WASHC2C: variants seen among roughly 807,000 people sequenced by gnomAD.
WASHC2C encodes the protein Vaccinia Penetration Factor.
In WASHC2C, 73 loss-of-function variants were observed where a neutral mutation model predicts 142.2. The ratio of observed to expected loss-of-function variants is 0.51; its 90% CI spans 0.43 to 0.62. The LOEUF (loss-of-function observed/expected upper bound fraction) is 0.62, where lower values mean the gene tolerates loss of function less well. WASHC2C is among the 20% of genes least tolerant of loss of function. WASHC2C has a pLI of 0.00. For synonymous variants in WASHC2C, 337 were observed against 565.5 expected (o/e 0.60, Z 5.73); for missense variants, 969 against 1,531.7 (o/e 0.63, Z 6.13).
At position 45,754,550 on chromosome 10, in the gene WASHC2C, C is replaced by A. The variant is rs373727073; in HGVS notation, c.1240+5C>A. On this transcript the variant is annotated splice_donor_5th_base_variant and intron_variant, in intron 14 of 30. Transcript: ENST00000623400. ...GAGCTGTTTCTGTATTTTTAGGTAA[C>A]ATAACTTAGGTTTGTTTTCTAAAAA... The A allele has an allele frequency of 4.2e-4, 666 of 1,588,836 alleles. 17 individuals carry two copies. In the East Asian group the frequency reaches 0.01, roughly 24 times the overall value.
intron 26 of WASHC2C, 125 bp from the exon 27 acceptor site, chr10:45,786,487 C>T (rs1421525447): frequency 6.1e-6 from 6 of 976,602 alleles, no homozygotes; most frequent in Non-Finnish European, 9.9e-6. Context: ...GATTTGAATG[C>T]CTTTCCCATT....
intron 18 of WASHC2C, among the ~76,000 whole-genome samples, chr10:45,765,284 C>T (rs880000441): frequency 2.5e-4 from 38 of 150,850 alleles, no homozygotes; most frequent in South Asian, 1.0e-3. Context: ...GTTTCTCATT[C>T]GTGGAGACAA....
chr10:45,731,169 A>G (rs1554862110), intron 3 of WASHC2C, among the ~76,000 whole-genome samples: 1 of 145,182 alleles, frequency 6.9e-6, no homozygotes, highest in Admixed American at 6.9e-5. Context: ...ATTTCTGTCC[A>G]ATACTGGGGA....
At chr10:45,746,805 C>G (rs2052894596) in intron 8 of WASHC2C, among the ~76,000 whole-genome samples, 158 bp downstream of exon 8, 1 of 152,128 alleles carries the variant, frequency 6.6e-6, no homozygotes, top group Non-Finnish European at 1.5e-5. Flanking sequence ...GGCTAACTAC[C>G]TCCTTTGTAT....
At chr10:45,730,777 G>A (rs1201844343) in intron 3 of WASHC2C, among the ~76,000 whole-genome samples, 5 of 151,786 alleles carry the variant, frequency 3.3e-5, no homozygotes, top group African/African-American at 9.7e-5. Context: ...GTGCCACCAC[G>A]CCTGGCTAAT....
intron 20 of WASHC2C, among the ~76,000 whole-genome samples, chr10:45,772,842 A>G (rs2610487): frequency 1.3e-5 from 2 of 152,134 alleles, no homozygotes; most frequent in African/African-American, 4.8e-5. Context: ...TCCCAGTGCT[A>G]ATCCTGGCCC....
chr10:45,727,476 G>A lies in WASHC2C; in HGVS notation c.63G>A (p.Arg21=). The change falls in exon 2 of 31, where the codon CGG becomes CGA. Residue 21 remains arginine (R), a synonymous_variant. Transcript: ENST00000623400. ...CGGCGTCGGAGCCCGTGTGGGAGCG[G>A]CCGTGGTCGGTGGAGGAGATCCGCA... ...LVPASEPVWE[R]PWSVEEIRRS... 3 of 1,609,000 alleles carry A rather than the reference G, an allele frequency of 1.9e-6. No individual in the cohort carries two copies. Among genetic ancestry groups the A allele is most frequent in the Non-Finnish European group, 8.5e-7 (1 of 1,178,776 alleles).
Position 45,765,808 on chromosome 10 carries a change from G to A in WASHC2C, c.1867G>A (p.Glu623Lys). ...TGCCCTGTTGTTCAGCAGTGATGAGGAGGTGAGCTGAGGTTTCTGCTAAAA... is the reference window on the plus strand; with the variant it reads ...TGCCCTGTTGTTCAGCAGTGATGAGAAGGTGAGCTGAGGTTTCTGCTAAAA... ...ASALLFSSDE[E>K]DQWNIPASQT... Residue 623 changes from glutamate (E) to lysine (K), a missense_variant and splice_region_variant, in exon 19 of 31, where the codon GAG (glutamate) becomes AAG (lysine). Coordinates refer to ENST00000623400, the MANE Select transcript of WASHC2C (RefSeq NM_001330074.2). 1 of 1,611,900 alleles carries A rather than the reference G, an allele frequency of 6.2e-7. No individual in the cohort carries two copies.
chr10:45,769,335 G>T, intron 19 of WASHC2C, 114 bp from the exon 20 acceptor site: 1 of 1,444,034 alleles, frequency 6.9e-7, no homozygotes, highest in Non-Finnish European at 9.4e-7. Flanking sequence ...AGCAAGGATG[G>T]TCTTGATCTG....
At position 45,777,433 on chromosome 10, in the gene WASHC2C, T is replaced by C; in HGVS notation, c.2295+8T>C. On this transcript the variant is annotated splice_region_variant and intron_variant, in intron 22 of 30. Coordinates refer to ENST00000623400, the MANE Select transcript of WASHC2C (RefSeq NM_001330074.2). ...GTGGCTGAGTCAGAAAAGGTGGACT[T>C]TTTTTCTTGTATACTTGAATGCATT... 6.2e-7 allele frequency: 1 copy of C among 1,610,284 alleles called. No homozygotes were observed. Among genetic ancestry groups the C allele is most frequent in the South Asian group, 1.1e-5 (1 of 90,962 alleles).
intron 3 of WASHC2C, 43 bp downstream of exon 3, chr10:45,729,069 G>A (rs1455225059): frequency 6.5e-7 from 1 of 1,543,102 alleles, no homozygotes; most frequent in Non-Finnish European, 8.7e-7. Flanking sequence ...TTGGGAGTAG[G>A]AGATATTGTA....
chr10:45,736,131 G>A (rs2051201804), intron 3 of WASHC2C, among the ~76,000 whole-genome samples: 1 of 151,134 alleles, frequency 6.6e-6, no homozygotes, highest in Non-Finnish European at 1.5e-5. Context: ...ATGCAGGCCG[G>A]GCATGGTGGC....
intron 23 of WASHC2C, among the ~76,000 whole-genome samples, chr10:45,784,291 C>CACAT (rs2057833511): frequency 1.1e-4 from 1 of 8,786 alleles, no homozygotes; most frequent in Non-Finnish European, 2.2e-4. Context: ...TATATATATA[C>CACAT]ACATATATAT....
chr10:45,790,976 G>C (rs2135846937), intron 30 of WASHC2C, among the ~76,000 whole-genome samples: 1 of 152,208 alleles, frequency 6.6e-6, no homozygotes, highest in East Asian at 1.9e-4. Flanking sequence ...GTCTAGACCT[G>C]GGTGTAGGCT....
At chr10:45,731,760 A>G (rs550001681) in intron 3 of WASHC2C, among the ~76,000 whole-genome samples, 1 of 150,022 alleles carries the variant, frequency 6.7e-6, no homozygotes, top group Admixed American at 6.6e-5. Context: ...CTGAAAAAAT[A>G]TACTTGCTGA....
At chr10:45,789,632 T>C (rs2058276401) in intron 29 of WASHC2C, 141 bp downstream of exon 29, 6 of 1,464,710 alleles carry the variant, frequency 4.1e-6, no homozygotes, top group Non-Finnish European at 5.6e-6. Flanking sequence ...TAGGCTCTTT[T>C]ATTAATAAGT....
At chr10:45,775,679 A>ATTTTTTTTTTTTTTTTTTTTTTTTTTT (rs1554886147) in intron 21 of WASHC2C, among the ~76,000 whole-genome samples, 1 of 137,840 alleles carries the variant, frequency 7.3e-6, no homozygotes, top group African/African-American at 2.7e-5. Flanking sequence ...ATTTGCATTG[A>ATTTTTTTTTTTTTTTTTTTTTTTTTTT]ATTTTTTTTT....
chr10:45,743,279 T>C, intron 5 of WASHC2C, 111 bp from the exon 6 acceptor site: 1 of 1,569,062 alleles, frequency 6.4e-7, no homozygotes, highest in Non-Finnish European at 8.8e-7. Flanking sequence ...ATTCTCCACC[T>C]TCGTTATGTA....
intron 20 of WASHC2C, among the ~76,000 whole-genome samples, chr10:45,770,774 G>T (rs1234844942): frequency 6.6e-6 from 1 of 152,164 alleles, no homozygotes; most frequent in Non-Finnish European, 1.5e-5. Context: ...GATTCTGCCA[G>T]TTCCTGTCTG....
Sources: gnomAD v4.1 joint callset for allele counts (sites outside exome capture counted in the v4.1 genomes callset) on GRCh38, gnomAD v4.1.1 for gene constraint, MANE v1.5 for transcripts, NCBI Gene and HGNC (gene_info 2026-07-23, HGNC 2026-07-21) for gene names.